Variants in CPA6 observed in about 807,000 individuals in gnomAD.
CPA6 encodes the protein carboxypeptidase B.
Under a neutral mutation model 63.3 loss-of-function variants are expected in CPA6, and 58 were observed. The ratio of observed to expected loss-of-function variants is 0.92; its 90% CI spans 0.74 to 1.14. The LOEUF (loss-of-function observed/expected upper bound fraction) is 1.14, where lower values mean the gene tolerates loss of function less well. Among genes scored for constraint, CPA6 ranks in the 50% most tolerant of loss-of-function variants. The pLI, the probability that CPA6 is intolerant of heterozygous loss-of-function variation, is 0.00. For missense variants in CPA6, 565 were observed against 526.6 expected (o/e 1.07, Z -0.71); for synonymous variants, 185 against 179.0 (o/e 1.03, Z -0.27).
rs557791767 is a variant in CPA6 at position 67,473,020 on chromosome 8, A to G, written c.838+10748T>C. ...AAGGATCATGAAATATAAAACAGGG[A>G]GAGGAAATGATTTTTGCATATAATC... is the stretch of plus-strand genomic sequence containing the variant. On this transcript the variant is annotated intron_variant, in intron 8 of 10. Transcript: ENST00000297770. Among the ~76,000 whole-genome samples, 24 of 152,356 alleles carry G rather than the reference A, an allele frequency of 1.6e-4. 1 individual carries two copies. The South Asian group carries it at 4.8e-3, about 30-fold the overall frequency.
chr8:67,624,121 C>T (rs1451656732), intron 2 of CPA6, 55 bp downstream of exon 2: 3 of 1,077,648 alleles, frequency 2.8e-6, no homozygotes, highest in Admixed American at 1.8e-5. Context: ...TCAGCAAATC[C>T]CTGTAAACAC....
intron 8 of CPA6, among the ~76,000 whole-genome samples, chr8:67,475,866 T>TCTTTCTTTCTTTCTTTCTC (rs1811198718): frequency 1.0e-5 from 1 of 97,662 alleles, no homozygotes; most frequent in South Asian, 3.6e-4. Context: ...TTTCTTTCTT[T>TCTTTCTTTCTTTCTTTCTC]CTTTCTTTCT....
chr8:67,745,964 C>G, intron 1 of CPA6, 50 bp downstream of exon 1: 1 of 1,406,278 alleles, frequency 7.1e-7, no homozygotes, highest in Non-Finnish European at 9.9e-7. Flanking sequence ...GCAAACCAGC[C>G]CCCAGATCCA....
At chr8:67,440,511 A>T (rs1587427012) in intron 8 of CPA6, among the ~76,000 whole-genome samples, 1 of 152,174 alleles carries the variant, frequency 6.6e-6, no homozygotes, top group African/African-American at 2.4e-5. Flanking sequence ...GTGGAGTTTG[A>T]AGTGAGCCAA....
intron 2 of CPA6, among the ~76,000 whole-genome samples, chr8:67,571,479 G>C (rs1326164997): frequency 3.3e-5 from 5 of 152,144 alleles, no homozygotes; most frequent in African/African-American, 9.7e-5. Flanking sequence ...GCAAATTTAA[G>C]AAGATTGAAA....
chr8:67,742,293 T>C (rs1428202805), intron 1 of CPA6, among the ~76,000 whole-genome samples: 1 of 152,202 alleles, frequency 6.6e-6, no homozygotes, highest in Non-Finnish European at 1.5e-5. Flanking sequence ...ATTTTACCTA[T>C]ATAATCTCTT....
At chr8:67,486,300 C>T (rs1811474951) in intron 6 of CPA6, among the ~76,000 whole-genome samples, 1 of 152,240 alleles carries the variant, frequency 6.6e-6, no homozygotes, top group Admixed American at 6.5e-5. Flanking sequence ...GCATATGCCA[C>T]TGTGGTTCCA....
intron 6 of CPA6, among the ~76,000 whole-genome samples, chr8:67,485,327 T>C (rs953776361): frequency 3.3e-5 from 5 of 152,116 alleles, no homozygotes; most frequent in Admixed American, 3.3e-4. Flanking sequence ...ACTCCCTTTT[T>C]ATTACTTCCT....
At chr8:67,583,816 A>G (rs1308673732) in intron 2 of CPA6, among the ~76,000 whole-genome samples, 2 of 152,166 alleles carry the variant, frequency 1.3e-5, no homozygotes, top group African/African-American at 4.8e-5. Context: ...CAAAGAAAAT[A>G]ATACGGGTAC....
chr8:67,665,797 G>A (rs1317491065), intron 1 of CPA6, among the ~76,000 whole-genome samples: 1 of 152,166 alleles, frequency 6.6e-6, no homozygotes, highest in Non-Finnish European at 1.5e-5. Flanking sequence ...ATAAGTTCTA[G>A]TTCTTCCACT....
At chr8:67,645,019 T>C (rs1815685101) in intron 1 of CPA6, among the ~76,000 whole-genome samples, 1 of 152,160 alleles carries the variant, frequency 6.6e-6, no homozygotes, top group Non-Finnish European at 1.5e-5. Flanking sequence ...CCTAATACTT[T>C]TCAGAATAAA....
chr8:67,580,789 C>T (rs1813750829), intron 2 of CPA6, among the ~76,000 whole-genome samples: 1 of 152,162 alleles, frequency 6.6e-6, no homozygotes, highest in African/African-American at 2.4e-5. Context: ...TGAGTCACAG[C>T]ACCCCCAAAG....
At chr8:67,446,141 C>T (rs1004394221) in intron 8 of CPA6, among the ~76,000 whole-genome samples, 1 of 151,904 alleles carries the variant, frequency 6.6e-6, no homozygotes, top group Non-Finnish European at 1.5e-5. Context: ...TGGCAGGCTC[C>T]TGTAGTCCCA....
intron 1 of CPA6, among the ~76,000 whole-genome samples, chr8:67,704,391 G>A (rs1817089370): frequency 6.6e-6 from 1 of 152,220 alleles, no homozygotes; most frequent in African/African-American, 2.4e-5. Flanking sequence ...AAAAGCATGG[G>A]AAATGGAATT....
At chr8:67,527,265 C>T (rs1467897489) in intron 2 of CPA6, among the ~76,000 whole-genome samples, 1 of 152,186 alleles carries the variant, frequency 6.6e-6, no homozygotes, top group Non-Finnish European at 1.5e-5. Context: ...TTTAAAAATT[C>T]TGACCCTTTT....
chr8:67,737,640 T>C (rs17645658), intron 1 of CPA6, among the ~76,000 whole-genome samples: 4,562 of 152,334 alleles, frequency 0.03, 103 homozygotes, highest in Middle Eastern at 0.061. Flanking sequence ...GCTGTGCACA[T>C]GGGCTGCTCT....
At chr8:67,650,899 A>G (rs568237560) in intron 1 of CPA6, among the ~76,000 whole-genome samples, 1 of 152,228 alleles carries the variant, frequency 6.6e-6, no homozygotes, top group South Asian at 2.1e-4. Flanking sequence ...TAATCTTGTC[A>G]GGCTCCTACA....
chr8:67,671,653 T>C (rs1042737075), intron 1 of CPA6, among the ~76,000 whole-genome samples: 2 of 152,178 alleles, frequency 1.3e-5, no homozygotes, highest in Admixed American at 6.6e-5. Flanking sequence ...AGCAGAAGGC[T>C]TCTGAAAAAT....
chr8:67,424,754 C>T (rs1337206527), intron 10 of CPA6, among the ~76,000 whole-genome samples: 1 of 152,174 alleles, frequency 6.6e-6, no homozygotes, highest in Non-Finnish European at 1.5e-5. Flanking sequence ...TGTATTAAAC[C>T]TTCTTTTTGA....
Sources: gnomAD v4.1 joint callset for allele counts (sites outside exome capture counted in the v4.1 genomes callset) on GRCh38, gnomAD v4.1.1 for gene constraint, MANE v1.5 for transcripts, NCBI Gene and HGNC (gene_info 2026-07-23, HGNC 2026-07-21) for gene names.